Variants in ABHD16B observed in about 807,000 individuals in gnomAD.
The protein encoded by ABHD16B is abhydrolase domain containing 16B.
Under a neutral mutation model 10.5 loss-of-function variants are expected in ABHD16B, and 14 were observed. The ratio of observed to expected loss-of-function variants is 1.33; its 90% CI spans 0.88 to 2.08. The LOEUF is 2.08. Ranked by LOEUF, ABHD16B falls within the 30% of genes most tolerant of loss-of-function variation. The pLI, the probability that ABHD16B is intolerant of heterozygous loss-of-function variation, is 0.00. For missense variants in ABHD16B, 763 were observed against 717.4 expected (o/e 1.06, Z -0.73); for synonymous variants, 374 against 337.9 (o/e 1.11, Z -1.17).
In ABHD16B at chr20:63,861,698, C is replaced by T; in HGVS notation, c.158C>T (p.Ala53Val). The T allele has an allele frequency of 2.0e-6, 3 of 1,478,720 alleles. No homozygotes were observed. The highest frequency in any genetic ancestry group is 2.7e-6 in the Non-Finnish European group (3 of 1,122,024). The allele number at this position is 1,478,720 out of a possible 1,614,324, so 91.6% of individuals were successfully genotyped here. The stretch of plus-strand genomic sequence containing the variant: ...AGCAGCCACCGGGCGCTGACCTGCG[C>T]GGCAGCCGCGGCGGGCGTGTGGTTG... ...RSSSHRALTC[A>V]AAAAGVWLLR... is the part of the protein sequence containing the mutation. Residue 53 changes from alanine to valine, a missense_variant, in exon 1 of 1, where the codon GCG (alanine) becomes GTG (valine). Transcript: ENST00000369916. The surrounding 1 kb of genome is among the most constrained non-coding windows in gnomAD (Gnocchi z 5.4).
At position 63,862,074 on chromosome 20, in the gene ABHD16B, A is replaced by G. The variant is rs1344677122; in HGVS notation, c.534A>G (p.Glu178=). 6.2e-7 allele frequency: 1 copy of G among 1,610,988 alleles called. No individual in the cohort carries two copies. Reference sequence around the variant, plus strand: ...GGCCGCGCCTCGTCATCTGCTGCGAAGGCAACGCGGGCTTCTACGAGATGG... The same window carrying G: ...GGCCGCGCCTCGTCATCTGCTGCGAGGGCAACGCGGGCTTCTACGAGATGG... ...VHGPRLVICC[E]GNAGFYEMGC... Residue 178 remains glutamate, a synonymous_variant, in exon 1 of 1, where the codon GAA becomes GAG. Coordinates refer to ENST00000369916, the MANE Select transcript of ABHD16B (RefSeq NM_080622.4). The surrounding 1 kb of genome is among the most constrained non-coding windows in gnomAD (Gnocchi z 7.5).
At position 63,862,597 on chromosome 20, in the gene ABHD16B, G is replaced by C; in HGVS notation, c.1057G>C (p.Glu353Gln). 1 of 1,558,174 alleles carries C rather than the reference G, an allele frequency of 6.4e-7. No individual in the cohort carries two copies. Among genetic ancestry groups the C allele is most frequent in the African/African-American group, 1.3e-5 (1 of 74,178 alleles). The change falls in exon 1 of 1, where the codon GAG becomes CAG. Residue 353 changes from glutamate to glutamine, a missense_variant. By Grantham distance (29) the Glu-to-Gln change is conservative. Coordinates refer to ENST00000369916, the MANE Select transcript of ABHD16B (RefSeq NM_080622.4). The surrounding 1 kb of genome is among the most constrained non-coding windows in gnomAD (Gnocchi z 7.5). The part of the protein sequence containing the change: ...RGNELLLRLL[E>Q]HRYPVVMARE... ...CAATGAGCTGCTGCTGCGCCTGCTG[G>C]AGCACCGCTACCCCGTCGTGATGGC... is the stretch of plus-strand genomic sequence containing the variant.
chr20:63,862,421 C>A lies in ABHD16B; in HGVS notation c.881C>A (p.Thr294Asn). The A allele has an allele frequency of 6.3e-7, 1 of 1,585,552 alleles. No individual in the cohort carries two copies. Among genetic ancestry groups the A allele is most frequent in the African/African-American group, 1.3e-5 (1 of 74,564 alleles). ...AGTTGGAAGGGGCTGGTGGTGCGCA[C>A]CGTGCGCGAGCACTTCAACCTCAAC... ...PHSWKGLVVR[T>N]VREHFNLNVA... The change falls in exon 1 of 1, where the codon ACC (threonine) becomes AAC (asparagine). Residue 294 changes from threonine to asparagine, a missense_variant. Thr to Asn is a moderately conservative substitution (Grantham distance 65). Coordinates refer to ENST00000369916, the MANE Select transcript of ABHD16B (RefSeq NM_080622.4). This position sits in a 1 kb window ranked among gnomAD's most constrained non-coding sequence, Gnocchi z 7.5.
Position 63,862,821 on chromosome 20 carries a change from C to T in ABHD16B, c.1281C>T (p.Gly427=). 1 of 1,535,246 alleles carries T rather than the reference C, an allele frequency of 6.5e-7. No homozygotes were observed. Among genetic ancestry groups the T allele is most frequent in the Non-Finnish European group, 8.7e-7 (1 of 1,145,414 alleles). Residue 427 remains glycine (G), a synonymous_variant, in exon 1 of 1, where the codon GGC becomes GGT. Coordinates refer to ENST00000369916, the MANE Select transcript of ABHD16B (RefSeq NM_080622.4). The surrounding 1 kb of genome is among the most constrained non-coding windows in gnomAD (Gnocchi z 7.5). ...GACCCGCCTTCCCATGGCTGGTGGG[C>T]CAGGGCCTGAGCTCGCGGCGGCGCC... ...PHGPAFPWLV[G]QGLSSRRRRR...
chr20:63,861,558 C>G lies in ABHD16B; in HGVS notation c.18C>G (p.Phe6Leu). ...CACCGCTCATGTGCGTCATCTGCTT[C>G]GTGAAGGCGCTGGTGCGCGTGTTCA... is the stretch of plus-strand genomic sequence containing the variant. The part of the protein sequence containing the change: MCVIC[F>L]VKALVRVFKI... Residue 6 changes from phenylalanine (F) to leucine (L), a missense_variant, in exon 1 of 1, where the codon TTC (phenylalanine) becomes TTG (leucine). Physicochemically the swap from Phe to Leu is conservative, Grantham distance 22. Transcript: ENST00000369916. The surrounding 1 kb of genome is among the most constrained non-coding windows in gnomAD (Gnocchi z 5.4). 1 of 1,556,146 alleles carries G rather than the reference C, an allele frequency of 6.4e-7. No individual in the cohort carries two copies. Among genetic ancestry groups the G allele is most frequent in the Non-Finnish European group, 8.7e-7 (1 of 1,152,938 alleles).
rs779033263 is a variant in ABHD16B at position 63,861,617 on chromosome 20, T to G, written c.77T>G (p.Phe26Cys). The G allele has an allele frequency of 6.4e-7, 1 of 1,553,122 alleles. No homozygotes were observed. Among genetic ancestry groups the G allele is most frequent in the South Asian group, 1.2e-5 (1 of 84,734 alleles). Reference sequence around the variant, plus strand: ...CTGACCGCCAGCTACACCTACCCATTCCGCGGCTGGCCCGTGGCCTTCCGC... The same window carrying G: ...CTGACCGCCAGCTACACCTACCCATGCCGCGGCTGGCCCGTGGCCTTCCGC... Reference protein sequence around the residue: ...IYLTASYTYPFRGWPVAFRWD... With the variant: ...IYLTASYTYPCRGWPVAFRWD... Residue 26 changes from phenylalanine (F) to cysteine (C), a missense_variant, in exon 1 of 1, where the codon TTC becomes TGC. By Grantham distance (205) the Phe-to-Cys change is radical. Transcript: ENST00000369916. This position sits in a 1 kb window ranked among gnomAD's most constrained non-coding sequence, Gnocchi z 5.4.
chr20:63,861,911 T>TGCC lies in ABHD16B; in HGVS notation c.374_376dup (p.Pro125dup). The TGCC allele has an allele frequency of 6.3e-7, 1 of 1,589,916 alleles. No individual in the cohort carries two copies. The highest frequency in any genetic ancestry group is 8.5e-7 in the Non-Finnish European group (1 of 1,174,470). ...GTGTCCCTGATGACGCGCGCGCTGC[T>TGCC]GCCGCTGCTGCAGCAGGGCCAAGAG... On this transcript the variant is annotated inframe_insertion, in exon 1 of 1. Transcript: ENST00000369916. This position sits in a 1 kb window ranked among gnomAD's most constrained non-coding sequence, Gnocchi z 5.4.
At position 63,862,615 on chromosome 20, in the gene ABHD16B, G is replaced by T. The variant is rs772049053; in HGVS notation, c.1075G>T (p.Val359Leu). 9.7e-6 allele frequency: 15 copies of T among 1,548,090 alleles called. No homozygotes were observed. Among genetic ancestry groups the T allele is most frequent in the Non-Finnish European group, 1.3e-5 (15 of 1,152,082 alleles). Reference sequence around the variant, plus strand: ...CCTGCTGGAGCACCGCTACCCCGTCGTGATGGCGCGAGAGGGCCGCGCCGT... The same window carrying T: ...CCTGCTGGAGCACCGCTACCCCGTCTTGATGGCGCGAGAGGGCCGCGCCGT... ...LRLLEHRYPVVMAREGRAVVT... is the reference protein window; with the variant it reads ...LRLLEHRYPVLMAREGRAVVT... Residue 359 changes from valine to leucine, a missense_variant, in exon 1 of 1, where the codon GTG becomes TTG. By Grantham distance (32) the Val-to-Leu change is conservative. Coordinates refer to ENST00000369916, the MANE Select transcript of ABHD16B (RefSeq NM_080622.4). The surrounding 1 kb of genome is among the most constrained non-coding windows in gnomAD (Gnocchi z 7.5).
In ABHD16B at chr20:63,861,705, C is replaced by CGCGGCGG. The variant is rs1366236457; in HGVS notation, c.169_175dup (p.Val59GlyfsTer43). 28 of 1,464,656 alleles carry CGCGGCGG rather than the reference C, an allele frequency of 1.9e-5. No individual in the cohort carries two copies. The highest frequency in any genetic ancestry group is 2.5e-5 in the Non-Finnish European group (28 of 1,116,260). 90.7% of individuals were successfully genotyped at this position (1,464,656 alleles called of 1,614,324 possible). ...ACCGGGCGCTGACCTGCGCGGCAGC[C>CGCGGCGG]GCGGCGGGCGTGTGGTTGCTGCGGG... On this transcript the variant is annotated frameshift_variant, in exon 1 of 1. Transcript: ENST00000369916. LOFTEE classifies it high-confidence loss of function. The surrounding 1 kb of genome is among the most constrained non-coding windows in gnomAD (Gnocchi z 5.4).
chr20:63,862,594 C>G lies in ABHD16B; in HGVS notation c.1054C>G (p.Leu352Val). 6.4e-7 allele frequency: 1 copy of G among 1,559,234 alleles called. No homozygotes were observed. Among genetic ancestry groups the G allele is most frequent in the Non-Finnish European group, 8.6e-7 (1 of 1,157,492 alleles). ...NRGNELLLRL[L>V]EHRYPVVMAR... ...GGGCAATGAGCTGCTGCTGCGCCTG[C>G]TGGAGCACCGCTACCCCGTCGTGAT... Residue 352 changes from leucine to valine, a missense_variant, in exon 1 of 1, where the codon CTG (leucine) becomes GTG (valine). Coordinates refer to ENST00000369916, the MANE Select transcript of ABHD16B (RefSeq NM_080622.4). The surrounding 1 kb of genome is among the most constrained non-coding windows in gnomAD (Gnocchi z 7.5).
At position 63,862,081 on chromosome 20, in the gene ABHD16B, G is replaced by C. The variant is rs749100633; in HGVS notation, c.541G>C (p.Ala181Pro). ...CCTCGTCATCTGCTGCGAAGGCAAC[G>C]CGGGCTTCTACGAGATGGGCTGTCT... is the stretch of plus-strand genomic sequence containing the variant. ...PRLVICCEGN[A>P]GFYEMGCLSA... The change falls in exon 1 of 1, where the codon GCG (alanine) becomes CCG (proline). Residue 181 changes from alanine to proline, a missense_variant. By Grantham distance (27) the Ala-to-Pro change is conservative (BLOSUM62 -1). Coordinates refer to ENST00000369916, the MANE Select transcript of ABHD16B (RefSeq NM_080622.4). This position sits in a 1 kb window ranked among gnomAD's most constrained non-coding sequence, Gnocchi z 7.5. 1 of 1,611,502 alleles carries C rather than the reference G, an allele frequency of 6.2e-7. No individual in the cohort carries two copies. Among genetic ancestry groups the C allele is most frequent in the South Asian group, 1.1e-5 (1 of 91,076 alleles).
At position 63,862,625 on chromosome 20, in the gene ABHD16B, G is replaced by T; in HGVS notation, c.1085G>T (p.Arg362Leu). 3 of 1,543,570 alleles carry T rather than the reference G, an allele frequency of 1.9e-6. No homozygotes were observed. The highest frequency in any genetic ancestry group is 2.6e-6 in the Non-Finnish European group (3 of 1,149,704). Residue 362 changes from arginine to leucine, a missense_variant, in exon 1 of 1, where the codon CGA becomes CTA. Coordinates refer to ENST00000369916, the MANE Select transcript of ABHD16B (RefSeq NM_080622.4). This position sits in a 1 kb window ranked among gnomAD's most constrained non-coding sequence, Gnocchi z 7.5. ...CACCGCTACCCCGTCGTGATGGCGC[G>T]AGAGGGCCGCGCCGTCGTCACCCGC... is the stretch of plus-strand genomic sequence containing the variant. ...LEHRYPVVMA[R>L]EGRAVVTRWL...
Position 63,862,915 on chromosome 20 carries a change from G to T in ABHD16B, c.1375G>T (p.Glu459Ter), listed in dbSNP as rs1179093035. Residue 459 changes from glutamate to a stop codon, truncating the protein, a stop_gained, in exon 1 of 1, where the codon GAG (glutamate) becomes TAG (stop). Coordinates refer to ENST00000369916, the MANE Select transcript of ABHD16B (RefSeq NM_080622.4). LOFTEE classifies it high-confidence loss of function. The surrounding 1 kb of genome is among the most constrained non-coding windows in gnomAD (Gnocchi z 7.5). ...GGAGGCGACTCACTTCAGCCCTCTG[G>T]AGCCTGAGGAGTTTCAGTTGCCCTG... ...NVEATHFSPLEPEEFQLPWRL is the reference protein window; with the variant it reads ...NVEATHFSPL The T allele has an allele frequency of 6.7e-7, 1 of 1,502,212 alleles. No individual in the cohort carries two copies. The highest frequency in any genetic ancestry group is 8.9e-7 in the Non-Finnish European group (1 of 1,126,036). The allele number at this position is 1,502,212 out of a possible 1,614,324, so 93.1% of individuals were successfully genotyped here. A position where few individuals can be genotyped will look rare whatever the true frequency, so the allele number is the denominator to read the frequency against.
chr20:63,861,697 G>A lies in ABHD16B; in HGVS notation c.157G>A (p.Ala53Thr), dbSNP rs2052083404. ...RSSSHRALTC[A>T]AAAAGVWLLR... The stretch of plus-strand genomic sequence containing the variant: ...CAGCAGCCACCGGGCGCTGACCTGC[G>A]CGGCAGCCGCGGCGGGCGTGTGGTT... Residue 53 changes from alanine (A) to threonine (T), a missense_variant, in exon 1 of 1, where the codon GCG (alanine) becomes ACG (threonine). Physicochemically the swap from Ala to Thr is moderately conservative, Grantham distance 58. Transcript: ENST00000369916. The surrounding 1 kb of genome is among the most constrained non-coding windows in gnomAD (Gnocchi z 5.4). 3.4e-6 allele frequency: 5 copies of A among 1,478,920 alleles called. No individual in the cohort carries two copies. In the South Asian group the frequency reaches 5.2e-5, roughly 15 times the overall value. The allele number at this position is 1,478,920 out of a possible 1,614,324, so 91.6% of individuals were successfully genotyped here.
rs1245836487 is a variant in ABHD16B, at chr20:63,862,939, T to TGGCGGCTGTAACCTATATGCCCC, written c.1400_*12dup. Reference sequence around the variant, plus strand: ...GGAGCCTGAGGAGTTTCAGTTGCCCTGGCGGCTGTAACCTATATGCCCCAG... The same window carrying TGGCGGCTGTAACCTATATGCCCC: ...GGAGCCTGAGGAGTTTCAGTTGCCCTGGCGGCTGTAACCTATATGCCCCGGCGGCTGTAACCTATATGCCCCAG... On this transcript the variant is annotated stop_gained and frameshift_variant, in exon 1 of 1. Transcript: ENST00000369916. LOFTEE classifies it high-confidence loss of function. The surrounding 1 kb of genome is among the most constrained non-coding windows in gnomAD (Gnocchi z 7.5). 1 of 1,463,600 alleles carries TGGCGGCTGTAACCTATATGCCCC rather than the reference T, an allele frequency of 6.8e-7. No homozygotes were observed. The highest frequency in any genetic ancestry group is 2.6e-5 in the East Asian group (1 of 38,212). 90.7% of individuals were successfully genotyped at this position (1,463,600 alleles called of 1,614,324 possible). A position where few individuals can be genotyped will look rare whatever the true frequency, so the allele number is the denominator to read the frequency against.
At position 63,862,900 on chromosome 20, in the gene ABHD16B, C is replaced by A; in HGVS notation, c.1360C>A (p.His454Asn). 1 of 1,529,356 alleles carries A rather than the reference C, an allele frequency of 6.5e-7. No individual in the cohort carries two copies. Among genetic ancestry groups the A allele is most frequent in the Non-Finnish European group, 8.8e-7 (1 of 1,140,140 alleles). The allele number at this position is 1,529,356 out of a possible 1,614,324, so 94.7% of individuals were successfully genotyped here. A position where few individuals can be genotyped will look rare whatever the true frequency, so the allele number is the denominator to read the frequency against. The change falls in exon 1 of 1, where the codon CAC becomes AAC. Residue 454 changes from histidine (H) to asparagine (N), a missense_variant. Transcript: ENST00000369916. This position sits in a 1 kb window ranked among gnomAD's most constrained non-coding sequence, Gnocchi z 7.5. Reference sequence around the variant, plus strand: ...GCACCTCAAGAACGTGGAGGCGACTCACTTCAGCCCTCTGGAGCCTGAGGA... The same window carrying A: ...GCACCTCAAGAACGTGGAGGCGACTAACTTCAGCCCTCTGGAGCCTGAGGA... The part of the protein sequence containing the change: ...RKHLKNVEAT[H>N]FSPLEPEEFQ...
rs1309046672 is a variant in ABHD16B at position 63,862,763 on chromosome 20, A to T, written c.1223A>T (p.Glu408Val). Residue 408 changes from glutamate (E) to valine (V), a missense_variant, in exon 1 of 1, where the codon GAG becomes GTG. Physicochemically the swap from Glu to Val is moderately radical, Grantham distance 121. Transcript: ENST00000369916. This position sits in a 1 kb window ranked among gnomAD's most constrained non-coding sequence, Gnocchi z 7.5. ...TCCTACCGTGCACGCTGCGAAGAGG[A>T]GCTGGAGGGCGAGGAGGCCCTGGGG... Reference protein sequence around the residue: ...LRSYRARCEEELEGEEALGPH... With the variant: ...LRSYRARCEEVLEGEEALGPH... 2 of 1,530,178 alleles carry T rather than the reference A, an allele frequency of 1.3e-6. No homozygotes were observed. Among genetic ancestry groups the T allele is most frequent in the Admixed American group, 4.0e-5 (2 of 50,090 alleles). The allele number at this position is 1,530,178 out of a possible 1,614,324, so 94.8% of individuals were successfully genotyped here. A position where few individuals can be genotyped will look rare whatever the true frequency, so the allele number is the denominator to read the frequency against.
Position 63,861,804 on chromosome 20 carries a change from G to A in ABHD16B, c.264G>A (p.Gln88=), listed in dbSNP as rs1204298404. ...GARSQAQCLL[Q]QLRELPGQLA... is the part of the protein sequence containing the mutation. ...GCAGCCAGGCGCAGTGCCTCTTGCAGCAGCTCCGCGAGCTGCCCGGCCAGC... is the reference window on the plus strand; with the variant it reads ...GCAGCCAGGCGCAGTGCCTCTTGCAACAGCTCCGCGAGCTGCCCGGCCAGC... The change falls in exon 1 of 1, where the codon CAG becomes CAA. Residue 88 remains glutamine (Q), a synonymous_variant. Coordinates refer to ENST00000369916, the MANE Select transcript of ABHD16B (RefSeq NM_080622.4). This position sits in a 1 kb window ranked among gnomAD's most constrained non-coding sequence, Gnocchi z 5.4. 1.4e-6 allele frequency: 2 copies of A among 1,455,106 alleles called. No individual in the cohort carries two copies. Among genetic ancestry groups the A allele is most frequent in the African/African-American group, 1.5e-5 (1 of 68,536 alleles). 90.1% of individuals were successfully genotyped at this position (1,455,106 alleles called of 1,614,324 possible).
chr20:63,862,490 T>G lies in ABHD16B; in HGVS notation c.950T>G (p.Leu317Arg). 6.4e-7 allele frequency: 1 copy of G among 1,564,576 alleles called. No individual in the cohort carries two copies. The highest frequency in any genetic ancestry group is 1.3e-5 in the African/African-American group (1 of 74,278). The change falls in exon 1 of 1, where the codon CTC (leucine) becomes CGC (arginine). Residue 317 changes from leucine (L) to arginine (R), a missense_variant. Physicochemically the swap from Leu to Arg is moderately radical, Grantham distance 102. Coordinates refer to ENST00000369916, the MANE Select transcript of ABHD16B (RefSeq NM_080622.4). This position sits in a 1 kb window ranked among gnomAD's most constrained non-coding sequence, Gnocchi z 7.5. ...TGCTACCCGGGGCCGGTGCTGCTGCTCCGACGCACGCAGGATGACGTGGTC... is the reference window on the plus strand; with the variant it reads ...TGCTACCCGGGGCCGGTGCTGCTGCGCCGACGCACGCAGGATGACGTGGTC... ...LCCYPGPVLL[L>R]RRTQDDVVST...
Sources: allele counts gnomAD v4.1 joint callset, GRCh38; gene constraint gnomAD v4.1.1; non-coding constraint Gnocchi (gnomAD v3.1); transcripts MANE v1.5; gene names NCBI Gene and HGNC (gene_info 2026-07-23, HGNC 2026-07-21).